Variants in PHTF2 observed in about 807,000 individuals in gnomAD.
The protein encoded by PHTF2 is protein PHTF2.
A neutral mutation model predicts 101.2 loss-of-function variants in PHTF2; 60 were observed. The ratio of observed to expected loss-of-function variants is 0.59; its 90% CI spans 0.48 to 0.73. PHTF2 has a LOEUF of 0.73. Among genes scored for constraint, PHTF2 ranks in the 30% least tolerant of loss-of-function variants. The pLI, the probability that PHTF2 is intolerant of heterozygous loss-of-function variation, is 0.00. For synonymous variants in PHTF2, 311 were observed against 307.3 expected (o/e 1.01, Z -0.13); for missense variants, 747 against 908.7 (o/e 0.82, Z 2.29).
At chr7:77,807,980 C>CT (rs1187114596) in intron 1 of PHTF2, among the ~76,000 whole-genome samples, 1 of 152,018 alleles carries the variant, frequency 6.6e-6, no homozygotes, top group East Asian at 1.9e-4. Context: ...TCTTGGTACC[C>CT]TTGTTGAAGA....
chr7:77,888,229 C>T (rs1800044864), intron 3 of PHTF2, among the ~76,000 whole-genome samples: 1 of 152,148 alleles, frequency 6.6e-6, no homozygotes, highest in African/African-American at 2.4e-5. Flanking sequence ...ATTCTCCTGC[C>T]TCAGCCTCCC....
At chr7:77,834,072 C>T (rs568377094) in intron 1 of PHTF2, among the ~76,000 whole-genome samples, 1 of 152,074 alleles carries the variant, frequency 6.6e-6, no homozygotes, top group South Asian at 2.1e-4. Flanking sequence ...TTGAGTTGCT[C>T]TGAATATACC....
intron 7 of PHTF2, among the ~76,000 whole-genome samples, chr7:77,907,244 G>A (rs150828974): frequency 1.2e-4 from 19 of 152,198 alleles, no homozygotes; most frequent in African/African-American, 4.6e-4. Context: ...AATTCATAAC[G>A]ATGATTGGCA....
chr7:77,840,272 C>G (rs533504487), exon 2 of PHTF2: 2 of 1,609,794 alleles, frequency 1.2e-6, no homozygotes, highest in South Asian at 1.1e-5. Context: ...TCCAAAGTCA[C>G]AGATGCTATA....
chr7:77,897,544 T>G (rs1800986025), intron 5 of PHTF2, among the ~76,000 whole-genome samples: 1 of 152,090 alleles, frequency 6.6e-6, no homozygotes, highest in Admixed American at 6.5e-5. Context: ...AATGTTACTT[T>G]TCATTTTTTA....
At chr7:77,850,191 AT>A (rs1428727961) in intron 2 of PHTF2, among the ~76,000 whole-genome samples, 1 of 138,832 alleles carries the variant, frequency 7.2e-6, no homozygotes, top group East Asian at 2.0e-4. Flanking sequence ...TCTCTACAAA[AT>A]TTAAAAAAAA....
rs533789496 is a variant in PHTF2 at position 77,809,248 on chromosome 7, A to G, written c.-36+10277A>G. On this transcript the variant is annotated intron_variant, in intron 1 of 19. Transcript: ENST00000416283. ...TGTTTTTTTTTTTTTTTTTTTTGAG[A>G]TGGAGTCTCTCTTTGTCACCCAGGC... Among the ~76,000 whole-genome samples, 27 of 88,046 alleles carry G rather than the reference A, an allele frequency of 3.1e-4. No homozygotes were observed. In the South Asian group the frequency reaches 0.011, roughly 37 times the overall value. 57.8% of individuals were successfully genotyped at this position (88,046 alleles called of 152,430 possible).
At chr7:77,831,497 G>A (rs1795074595) in intron 1 of PHTF2, among the ~76,000 whole-genome samples, 1 of 152,184 alleles carries the variant, frequency 6.6e-6, no homozygotes, top group Non-Finnish European at 1.5e-5. Flanking sequence ...AGAGGATATT[G>A]AGGCACAATT....
At chr7:77,866,529 GGCA>G in intron 3 of PHTF2, among the ~76,000 whole-genome samples, 1 of 152,008 alleles carries the variant, frequency 6.6e-6, no homozygotes, top group African/African-American at 2.4e-5. Flanking sequence ...CAGTGGAAAG[GGCA>G]TGGAATTGGA....
intron 3 of PHTF2, among the ~76,000 whole-genome samples, chr7:77,868,611 T>G (rs1418741093): frequency 6.6e-6 from 1 of 152,210 alleles, no homozygotes; most frequent in African/African-American, 2.4e-5. Flanking sequence ...AATTCTCATC[T>G]AAACAAGTAA....
intron 1 of PHTF2, among the ~76,000 whole-genome samples, chr7:77,808,555 T>G (rs909426888): frequency 1.3e-5 from 2 of 152,262 alleles, no homozygotes; most frequent in African/African-American, 4.8e-5. Context: ...TTGGTGATTC[T>G]TTCCCTTGCT....
At chr7:77,937,201 A>G (rs957386607) in intron 12 of PHTF2, among the ~76,000 whole-genome samples, 2 of 152,232 alleles carry the variant, frequency 1.3e-5, no homozygotes, top group Non-Finnish European at 2.9e-5. Flanking sequence ...GGATAAGACT[A>G]GCACTATATG....
intron 5 of PHTF2, 145 bp from the exon 5 acceptor site, chr7:77,900,566 C>G (rs1358583671): frequency 9.5e-6 from 6 of 631,520 alleles, no homozygotes; most frequent in Non-Finnish European, 1.7e-5. Flanking sequence ...TAATTGTGTT[C>G]TGTTTGTAAC....
chr7:77,855,839 C>T (rs1454962002), intron 3 of PHTF2, among the ~76,000 whole-genome samples: 1 of 152,196 alleles, frequency 6.6e-6, no homozygotes. Flanking sequence ...GTCCACACCA[C>T]GTGGCTGCTG....
intron 1 of PHTF2, among the ~76,000 whole-genome samples, chr7:77,820,212 C>T (rs766498283): frequency 9.9e-5 from 15 of 152,090 alleles, no homozygotes; most frequent in Non-Finnish European, 2.1e-4. Flanking sequence ...ATTACTGATT[C>T]AATCTGGTTA....
intron 16 of PHTF2, among the ~76,000 whole-genome samples, chr7:77,948,882 T>G (rs1293706232): frequency 1.3e-5 from 2 of 152,150 alleles, no homozygotes; most frequent in African/African-American, 4.8e-5. Flanking sequence ...ATATCTAATA[T>G]AGTTGAAGAT....
intron 3 of PHTF2, among the ~76,000 whole-genome samples, chr7:77,875,105 A>T (rs1004677876): frequency 1.3e-5 from 2 of 152,120 alleles, no homozygotes; most frequent in African/African-American, 2.4e-5. Flanking sequence ...CTAGTGCTGT[A>T]TGAATTGTAG....
chr7:77,949,543 T>A (rs1427695616), intron 16 of PHTF2, 135 bp from the exon 16 acceptor site: 1 of 588,044 alleles, frequency 1.7e-6, no homozygotes, highest in Non-Finnish European at 2.9e-6. Context: ...TTGATATGCT[T>A]AAAATATTTC....
chr7:77,872,783 A>G (rs1798624461), intron 3 of PHTF2, among the ~76,000 whole-genome samples: 1 of 152,136 alleles, frequency 6.6e-6, no homozygotes, highest in African/African-American at 2.4e-5. Flanking sequence ...GTAGGTCTAA[A>G]GTGACTAATC....
Sources: allele counts gnomAD v4.1 joint callset (sites outside exome capture counted in the v4.1 genomes callset), GRCh38; gene constraint gnomAD v4.1.1; transcripts MANE v1.5; gene names NCBI Gene and HGNC (gene_info 2026-07-23, HGNC 2026-07-21).